IGSF10: variants seen among roughly 807,000 people sequenced by gnomAD.
IGSF10 encodes the protein immunoglobulin superfamily member 10.
A neutral mutation model predicts 128.2 loss-of-function variants in IGSF10; 126 were observed. That is an observed-to-expected ratio of 0.98 (90% CI 0.85 to 1.14). The LOEUF is 1.14. IGSF10 is among the 50% of genes most tolerant of loss of function. IGSF10 has a pLI of 0.00. For synonymous variants in IGSF10, 1,185 were observed against 1,146.2 expected (o/e 1.03, Z -0.68); for missense variants, 3,295 against 3,149.8 (o/e 1.05, Z -1.10).
In IGSF10 at chr3:151,443,209, C is replaced by T. The variant is rs1170637193; in HGVS notation, c.5738G>A (p.Gly1913Asp). The T allele has an allele frequency of 1.2e-6, 2 of 1,613,898 alleles. No individual in the cohort carries two copies. The highest frequency in any genetic ancestry group is 2.2e-5 in the East Asian group (1 of 44,898). Residue 1913 changes from glycine (G) to aspartate (D), a missense_variant, in exon 7 of 8, where the codon GGC (glycine) becomes GAC (aspartate). By Grantham distance (94) the Gly-to-Asp change is moderately conservative. Coordinates refer to ENST00000282466, the MANE Select transcript of IGSF10 (RefSeq NM_178822.5). Reference sequence around the variant, plus strand: ...ACTGGTAGCAATGCATTCATAAGTGCCCCTGTCTGAAGAGGCTAGGTTTCT... The same window carrying T: ...ACTGGTAGCAATGCATTCATAAGTGTCCCTGTCTGAAGAGGCTAGGTTTCT... ...YIRNLASSDRGTYECIATSST... is the reference protein window; with the variant it reads ...YIRNLASSDRDTYECIATSST...
the IGSF10 span, among the ~76,000 whole-genome samples, chr3:151,571,962 C>A: frequency 2.2e-4 from 33 of 152,298 alleles, no homozygotes; most frequent in African/African-American, 7.9e-4. Context: ...GCCTTTTCTG[C>A]ATCTATTGAG....
At chr3:151,471,346 T>C in the IGSF10 span, among the ~76,000 whole-genome samples, 1 of 152,192 alleles carries the variant, frequency 6.6e-6, no homozygotes, top group Admixed American at 6.5e-5. Flanking sequence ...TCAGAAATAG[T>C]GGCCCTTCAT....
chr3:151,526,606 C>T, the IGSF10 span, among the ~76,000 whole-genome samples: 42 of 152,050 alleles, frequency 2.8e-4, no homozygotes, highest in African/African-American at 9.2e-4. Flanking sequence ...TCTTAACTTT[C>T]TTCTGCATAA....
chr3:151,531,591 A>G, the IGSF10 span, among the ~76,000 whole-genome samples: 1 of 152,176 alleles, frequency 6.6e-6, no homozygotes, highest in African/African-American at 2.4e-5. Flanking sequence ...ACTACTGGTA[A>G]ATAATGAAAT....
In IGSF10 at chr3:151,453,698, A is replaced by C. The variant is rs1721633041; in HGVS notation, c.401T>G (p.Leu134Trp). Residue 134 changes from leucine to tryptophan, a missense_variant, in exon 5 of 8, where the codon TTG (leucine) becomes TGG (tryptophan). Transcript: ENST00000282466. The part of the protein sequence containing the change: ...TFYGLRSLTR[L>W]HMDHNNIEFI... ...CTCAATATTGTTGTGGTCCATGTGCAATCGTGTCAAGCTCCTGAGGCCATA... is the reference window on the plus strand; with the variant it reads ...CTCAATATTGTTGTGGTCCATGTGCCATCGTGTCAAGCTCCTGAGGCCATA... 6.2e-7 allele frequency: 1 copy of C among 1,611,764 alleles called. No individual in the cohort carries two copies. The highest frequency in any genetic ancestry group is 1.1e-5 in the South Asian group (1 of 90,826).
the IGSF10 span, among the ~76,000 whole-genome samples, chr3:151,495,994 T>C: frequency 2.0e-5 from 3 of 152,136 alleles, no homozygotes; most frequent in Non-Finnish European, 1.5e-5. Context: ...AGTCAACCTA[T>C]GATTAAGGTT....
chr3:151,514,001 G>A, the IGSF10 span, among the ~76,000 whole-genome samples: 1 of 152,188 alleles, frequency 6.6e-6, no homozygotes, highest in African/African-American at 2.4e-5. Context: ...AACATTCCAT[G>A]CTCATGGATA....
chr3:151,458,509 C>G lies in IGSF10; in HGVS notation c.194+7G>C. ...TTTGAGAAGAGGAAACATGAGGTCT[C>G]ACACACCCTAAATTGATGCGTTCCA... On this transcript the variant is annotated splice_region_variant and intron_variant, in intron 3 of 7. Transcript: ENST00000282466. 1 of 1,605,266 alleles carries G rather than the reference C, an allele frequency of 6.2e-7. No homozygotes were observed. The highest frequency in any genetic ancestry group is 8.5e-7 in the Non-Finnish European group (1 of 1,174,290).
At chr3:151,470,948 A>G in the IGSF10 span, among the ~76,000 whole-genome samples, 1 of 152,188 alleles carries the variant, frequency 6.6e-6, no homozygotes, top group African/African-American at 2.4e-5. Flanking sequence ...TAATCTACTT[A>G]ACCCTGATAC....
chr3:151,513,403 C>G, the IGSF10 span, among the ~76,000 whole-genome samples: 1 of 151,926 alleles, frequency 6.6e-6, no homozygotes, highest in Non-Finnish European at 1.5e-5. Context: ...CAGAAAAGGC[C>G]TGACAAAATT....
At chr3:151,588,668 G>A in the IGSF10 span, among the ~76,000 whole-genome samples, 1 of 152,130 alleles carries the variant, frequency 6.6e-6, no homozygotes, top group Non-Finnish European at 1.5e-5. Flanking sequence ...AATATTAACT[G>A]AGGTCCTATA....
downstream of IGSF10, chr3:151,435,034 C>T (rs956500810): frequency 2.0e-5 from 3 of 149,858 alleles, no homozygotes; most frequent in Admixed American, 6.6e-5. Flanking sequence ...AGATTTTCTC[C>T]CTGTTAATTC....
Position 151,446,433 on chromosome 3 carries a change from C to G in IGSF10, c.3548G>C (p.Gly1183Ala). ...AGTCATTGGTGGCTTGGTGATAGCA[C>G]CTGAAAGTGACGATGTAATCACTGA... ...RDSVITSSLS[G>A]AITKPPMTII... The change falls in exon 6 of 8, where the codon GGT (glycine) becomes GCT (alanine). Residue 1183 changes from glycine to alanine, a missense_variant. Transcript: ENST00000282466. 1 of 1,614,032 alleles carries G rather than the reference C, an allele frequency of 6.2e-7. No individual in the cohort carries two copies. The highest frequency in any genetic ancestry group is 8.5e-7 in the Non-Finnish European group (1 of 1,179,922).
At chr3:151,541,386 T>C in the IGSF10 span, among the ~76,000 whole-genome samples, 6 of 152,168 alleles carry the variant, frequency 3.9e-5, no homozygotes, top group African/African-American at 1.4e-4. Context: ...AAAAATCATA[T>C]TTTAGAATTT....
At chr3:151,561,411 C>A in the IGSF10 span, among the ~76,000 whole-genome samples, 1 of 151,978 alleles carries the variant, frequency 6.6e-6, no homozygotes, top group Non-Finnish European at 1.5e-5. Flanking sequence ...TCTAAGAATC[C>A]CTAGAAAACC....
chr3:151,507,895 CAAT>C, the IGSF10 span, among the ~76,000 whole-genome samples: 1 of 150,802 alleles, frequency 6.6e-6, no homozygotes, highest in East Asian at 2.0e-4. Context: ...AGAAAGCTGT[CAAT>C]AAATAATTGA....
At chr3:151,454,044 G>A (rs925953725) in intron 4 of IGSF10, among the ~76,000 whole-genome samples, 42 of 141,784 alleles carry the variant, frequency 3.0e-4, no homozygotes, top group African/African-American at 8.5e-4. Context: ...TTGAGACAGC[G>A]TCTTGCTCTG....
the IGSF10 span, among the ~76,000 whole-genome samples, chr3:151,607,641 G>C: frequency 2.6e-5 from 4 of 152,110 alleles, no homozygotes; most frequent in African/African-American, 9.7e-5. Flanking sequence ...GCCAGGCGCG[G>C]TGGCTCATGC....
At chr3:151,577,607 A>G in the IGSF10 span, among the ~76,000 whole-genome samples, 2 of 152,160 alleles carry the variant, frequency 1.3e-5, no homozygotes, top group Non-Finnish European at 2.9e-5. Context: ...GGCTTCTCTG[A>G]GAATGTTGAA....
Sources: gnomAD v4.1 joint callset for allele counts (sites outside exome capture counted in the v4.1 genomes callset) on GRCh38, gnomAD v4.1.1 for gene constraint, MANE v1.5 for transcripts, NCBI Gene and HGNC (gene_info 2026-07-23, HGNC 2026-07-21) for gene names.